PCDHGA9: variants seen among roughly 807,000 people sequenced by gnomAD.
The protein encoded by PCDHGA9 is protocadherin gamma-A9.
Under a neutral mutation model 62.5 loss-of-function variants are expected in PCDHGA9, and 37 were observed. The observed-to-expected ratio is 0.59, with a 90% CI of 0.46 to 0.78. The LOEUF is 0.78. Among genes scored for constraint, PCDHGA9 ranks in the 30% least tolerant of loss-of-function variants. PCDHGA9 has a pLI of 0.00. For synonymous variants in PCDHGA9, 459 were observed against 484.6 expected (o/e 0.95, Z 0.69); for missense variants, 1,138 against 1,166.2 (o/e 0.98, Z 0.35).
At chr5:141,415,450 C>A (rs774745130) in intron 1 of PCDHGA9, 44 of 1,614,086 alleles carry the variant, frequency 2.7e-5, no homozygotes, top group Non-Finnish European at 3.4e-5. Context: ...GACCTATTCC[C>A]ACGAGGTCTC....
chr5:141,427,998 C>A, intron 1 of PCDHGA9: 1 of 1,600,956 alleles, frequency 6.2e-7, no homozygotes, highest in Non-Finnish European at 8.6e-7. Context: ...TGGCTCCGCA[C>A]TCTTCGATAT....
intron 1 of PCDHGA9, among the ~76,000 whole-genome samples, chr5:141,436,839 A>G (rs1247924864): frequency 6.6e-6 from 1 of 152,260 alleles, no homozygotes; most frequent in African/African-American, 2.4e-5. Flanking sequence ...GTGCCTAGGC[A>G]CATTCTTGAT....
intron 1 of PCDHGA9, chr5:141,418,920 A>G: frequency 6.2e-7 from 1 of 1,613,992 alleles, no homozygotes; most frequent in Non-Finnish European, 8.5e-7. Flanking sequence ...TCACTCTCTG[A>G]TCAGATTATG....
chr5:141,419,274 C>T lies in PCDHGA9; in HGVS notation c.2424+13898C>T, dbSNP rs755798236. 17 of 1,613,900 alleles carry T rather than the reference C, an allele frequency of 1.1e-5. No homozygotes were observed. Among genetic ancestry groups the T allele is most frequent in the African/African-American group, 1.3e-5 (1 of 74,948 alleles). ...AACAACCAGCCGGGTGCCTCCATAG[C>T]GCAAGTCAGTGCCTCTGACCCAGAC... is the stretch of plus-strand genomic sequence containing the variant. On this transcript the variant is annotated intron_variant, in intron 1 of 3. Transcript: ENST00000573521.
chr5:141,404,021 A>C lies in PCDHGA9; in HGVS notation c.1069A>C (p.Arg357=), dbSNP rs192150782. 5 of 1,613,894 alleles carry C rather than the reference A, an allele frequency of 3.1e-6. No individual in the cohort carries two copies. The African/African-American group carries it at 4.0e-5, about 13-fold the overall frequency. ...VTITSLFSPV[R]EDAPQGTVIL... ...CATTACATCTCTGTTTAGCCCAGTG[A>C]GAGAAGACGCACCTCAGGGAACAGT... The change falls in exon 1 of 4, where the codon AGA becomes CGA. Residue 357 remains arginine (R), a synonymous_variant. Coordinates refer to ENST00000573521, the MANE Select transcript of PCDHGA9 (RefSeq NM_018921.3).
intron 1 of PCDHGA9, chr5:141,408,368 C>T: frequency 3.1e-6 from 5 of 1,613,992 alleles, no homozygotes; most frequent in Non-Finnish European, 4.2e-6. Context: ...GGATCTAGGG[C>T]TCAGTGTCCT....
intron 2 of PCDHGA9, among the ~76,000 whole-genome samples, chr5:141,500,877 AT>A (rs369345007): frequency 5.2e-4 from 64 of 122,250 alleles, no homozygotes; most frequent in Admixed American, 1.0e-3. Context: ...TTCATTTACA[AT>A]TTTTTTTTTT....
In PCDHGA9 at chr5:141,477,080, A is replaced by G; in HGVS notation, c.2425-17727A>G. 1.9e-6 allele frequency: 3 copies of G among 1,614,254 alleles called. No homozygotes were observed. The highest frequency in any genetic ancestry group is 2.5e-6 in the Non-Finnish European group (3 of 1,180,042). ...GGACACCAAACTCCATGAGATTTAC[A>G]TCCAGGCCAAAGACAAGGGCGCCAA... On this transcript the variant is annotated intron_variant, in intron 1 of 3. Coordinates refer to ENST00000573521, the MANE Select transcript of PCDHGA9 (RefSeq NM_018921.3). The surrounding 1 kb of genome is among the most constrained non-coding windows in gnomAD (Gnocchi z 4.9).
At chr5:141,499,689 CTTTTTTTTTTT>C in intron 2 of PCDHGA9, among the ~76,000 whole-genome samples, 1 of 119,852 alleles carries the variant, frequency 8.3e-6, no homozygotes, top group Non-Finnish European at 1.7e-5. Context: ...TAACAGATGA[CTTTTTTTTTTT>C]TTTTTTTTTT....
At chr5:141,408,423 A>G (rs2095103444) in intron 1 of PCDHGA9, 1 of 1,614,078 alleles carries the variant, frequency 6.2e-7, no homozygotes. Flanking sequence ...GAGAAGCTGC[A>G]CTTCAGCGTA....
intron 1 of PCDHGA9, chr5:141,415,573 G>T (rs375863243): frequency 1.9e-6 from 3 of 1,614,022 alleles, no homozygotes; most frequent in South Asian, 2.2e-5. Context: ...TTTGTTAGAT[G>T]ATTCGAAGTT....
chr5:141,407,985 A>G, intron 1 of PCDHGA9: 1 of 789,616 alleles, frequency 1.3e-6, no homozygotes, highest in Non-Finnish European at 1.9e-6. Flanking sequence ...GGGATCCGTC[A>G]GCCTCTGGCC....
At chr5:141,408,765 G>A (rs1276364659) in intron 1 of PCDHGA9, 1 of 1,611,036 alleles carries the variant, frequency 6.2e-7, no homozygotes, top group East Asian at 2.2e-5. Context: ...AATTCCGATG[G>A]TGGCAAATAC....
rs13436436 is a variant in PCDHGA9 at position 141,494,301 on chromosome 5, G to C, written c.2425-506G>C. Among the ~76,000 whole-genome samples, 1,119 of 152,302 alleles carry C rather than the reference G, an allele frequency of 7.3e-3. 11 individuals carry two copies. The highest frequency in any genetic ancestry group is 0.026 in the African/African-American group (1,077 of 41,560). Reference sequence around the variant, plus strand: ...CCAGAGAAGATGTCCCTGTGAATGTGTCACTGCACAACCTGGCACCAAAAG... The same window carrying C: ...CCAGAGAAGATGTCCCTGTGAATGTCTCACTGCACAACCTGGCACCAAAAG... On this transcript the variant is annotated intron_variant, in intron 1 of 3. Coordinates refer to ENST00000573521, the MANE Select transcript of PCDHGA9 (RefSeq NM_018921.3).
intron 1 of PCDHGA9, chr5:141,419,964 T>A (rs151105903): frequency 1.2e-6 from 2 of 1,613,964 alleles, no homozygotes; most frequent in African/African-American, 2.7e-5. Context: ...ATTTCTGTGC[T>A]CTTTCTCCTC....
intron 1 of PCDHGA9, chr5:141,420,053 T>C (rs1178680836): frequency 3.1e-6 from 5 of 1,613,970 alleles, no homozygotes; most frequent in Non-Finnish European, 2.5e-6. Context: ...GTCAGTTCTC[T>C]GCTCCAAGTC....
At position 141,476,764 on chromosome 5, in the gene PCDHGA9, G is replaced by A. The variant is rs570982273; in HGVS notation, c.2425-18043G>A. 1.2e-6 allele frequency: 2 copies of A among 1,613,794 alleles called. No homozygotes were observed. Reference sequence around the variant, plus strand: ...CTAGTCTCCAGTTAGTGCTGACGGCGTTGGACGGAGGGACCCCAGCTCTCT... The same window carrying A: ...CTAGTCTCCAGTTAGTGCTGACGGCATTGGACGGAGGGACCCCAGCTCTCT... On this transcript the variant is annotated intron_variant, in intron 1 of 3. Coordinates refer to ENST00000573521, the MANE Select transcript of PCDHGA9 (RefSeq NM_018921.3). The surrounding 1 kb of genome is among the most constrained non-coding windows in gnomAD (Gnocchi z 7.6).
chr5:141,413,385 A>C, intron 1 of PCDHGA9: 1 of 1,613,990 alleles, frequency 6.2e-7, no homozygotes, highest in South Asian at 1.1e-5. Flanking sequence ...GAGTCCGCAT[A>C]GTCTCCAGAG....
In PCDHGA9 at chr5:141,476,737, G is replaced by A. The variant is rs1420138912; in HGVS notation, c.2425-18070G>A. ...AGCGCGCCCTGGACCGAGAACGGGA[G>A]CCTAGTCTCCAGTTAGTGCTGACGG... is the stretch of plus-strand genomic sequence containing the variant. On this transcript the variant is annotated intron_variant, in intron 1 of 3. Coordinates refer to ENST00000573521, the MANE Select transcript of PCDHGA9 (RefSeq NM_018921.3). This position sits in a 1 kb window ranked among gnomAD's most constrained non-coding sequence, Gnocchi z 7.6. The A allele has an allele frequency of 3.1e-6, 5 of 1,613,982 alleles. No individual in the cohort carries two copies. Among genetic ancestry groups the A allele is most frequent in the Non-Finnish European group, 4.2e-6 (5 of 1,180,038 alleles).
Sources: allele counts gnomAD v4.1 joint callset (sites outside exome capture counted in the v4.1 genomes callset), GRCh38; gene constraint gnomAD v4.1.1; non-coding constraint Gnocchi (gnomAD v3.1); transcripts MANE v1.5; gene names NCBI Gene and HGNC (gene_info 2026-07-23, HGNC 2026-07-21).